COL17A1: variants seen among roughly 807,000 people sequenced by gnomAD.
COL17A1 encodes the protein collagen alpha-1(XVII) chain.
In COL17A1, 181 loss-of-function variants were observed where a neutral mutation model predicts 218.4. That is an observed-to-expected ratio of 0.83 (90% CI 0.73 to 0.94). COL17A1 has a LOEUF of 0.94. Ranked by LOEUF, COL17A1 falls within the 40% of genes least tolerant of loss-of-function variation. The probability of loss-of-function intolerance (pLI) is 0.00; values close to 1 mark genes in which losing one functional copy is unlikely to be tolerated. For missense variants in COL17A1, 1,924 were observed against 1,945.9 expected (o/e 0.99, Z 0.21); for synonymous variants, 721 against 731.0 (o/e 0.99, Z 0.22).
Position 104,037,732 on chromosome 10 carries a change from GGGGA to G in COL17A1, c.3108_3111del (p.Pro1037GlnfsTer28). ...GGTCCTGGGGGACCAGGTGGGCCTG[GGGGA>G]CCCTGAACTCCGGATAGGTAAGATC... is the stretch of plus-strand genomic sequence containing the variant. On this transcript the variant is annotated frameshift_variant, in exon 46 of 56. Transcript: ENST00000648076. LOFTEE classifies it high-confidence loss of function. 2 of 1,614,158 alleles carry G rather than the reference GGGGA, an allele frequency of 1.2e-6. No individual in the cohort carries two copies. The highest frequency in any genetic ancestry group is 1.7e-6 in the Non-Finnish European group (2 of 1,180,030).
At chr10:104,076,722 G>A (rs2086714354) in intron 4 of COL17A1, among the ~76,000 whole-genome samples, 1 of 152,220 alleles carries the variant, frequency 6.6e-6, no homozygotes, top group Non-Finnish European at 1.5e-5. Context: ...GCGTGGAAGT[G>A]TGCCTCAACA....
intron 32 of COL17A1, among the ~76,000 whole-genome samples, 173 bp downstream of exon 32, chr10:104,046,574 T>C (rs192602817): frequency 7.4e-4 from 113 of 152,338 alleles, no homozygotes; most frequent in Admixed American, 1.3e-3. Flanking sequence ...TAGATTGTTC[T>C]GTGCCTATTT....
Position 104,050,633 on chromosome 10 carries a change from G to C in COL17A1, c.2116C>G (p.Pro706Ala), listed in dbSNP as rs573639672. 1 of 1,613,438 alleles carries C rather than the reference G, an allele frequency of 6.2e-7. No homozygotes were observed. Among genetic ancestry groups the C allele is most frequent in the South Asian group, 1.1e-5 (1 of 91,034 alleles). ...VKGDKGPMGP[P>A]GPKGDQGEKG... Reference sequence around the variant, plus strand: ...GTGAGTGGCATACCTTTGGGTCCTGGTGGTCCCATTGGTCCTTTGTCACCT... The same window carrying C: ...GTGAGTGGCATACCTTTGGGTCCTGCTGGTCCCATTGGTCCTTTGTCACCT... Residue 706 changes from proline to alanine, a missense_variant, in exon 27 of 56, where the codon CCA becomes GCA. Pro to Ala is a conservative substitution (Grantham distance 27). Transcript: ENST00000648076.
chr10:104,063,642 A>C (rs2086601829), intron 11 of COL17A1, 105 bp downstream of exon 11: 1 of 1,523,336 alleles, frequency 6.6e-7, no homozygotes, highest in Admixed American at 1.9e-5. Flanking sequence ...TCTGCTTCTG[A>C]GCTGCAGTAT....
In COL17A1 at chr10:104,052,368, T is replaced by C. The variant is rs568921133; in HGVS notation, c.1940-151A>G. The C allele has an allele frequency of 6.6e-5, 60 of 913,408 alleles. No individual in the cohort carries two copies. The African/African-American group carries it at 7.5e-4, about 11-fold the overall frequency. 56.6% of individuals were successfully genotyped at this position (913,408 alleles called of 1,614,324 possible). A position where few individuals can be genotyped will look rare whatever the true frequency, so the allele number is the denominator to read the frequency against. The stretch of plus-strand genomic sequence containing the variant: ...CAGTGAGGCCACTTATCAGCAAAAC[T>C]CCTTAGCTTCTACCCCCAGAGACTT... On this transcript the variant is annotated intron_variant, in intron 23 of 55. Transcript: ENST00000648076.
intron 34 of COL17A1, 97 bp downstream of exon 34, chr10:104,043,721 CCAAAAAA>C (rs2086383549): frequency 7.8e-6 from 12 of 1,536,102 alleles, no homozygotes; most frequent in Admixed American, 6.7e-5. Context: ...CGCTACTGAT[CCAAAAAA>C]CTCCCAGCCA....
chr10:104,084,312 ATTTT>A (rs199699283), intron 1 of COL17A1, among the ~76,000 whole-genome samples: 1 of 140,062 alleles, frequency 7.1e-6, no homozygotes. Context: ...TTTTTTTCCT[ATTTT>A]TTTTTTTTTT....
chr10:104,044,411 G>T (rs1265932873), intron 33 of COL17A1, among the ~76,000 whole-genome samples: 1 of 152,228 alleles, frequency 6.6e-6, no homozygotes, highest in Admixed American at 6.5e-5. Context: ...ACAAGTGTGC[G>T]TGGAGAACTT....
intron 53 of COL17A1, 55 bp downstream of exon 53, chr10:104,033,183 C>A: frequency 1.3e-6 from 2 of 1,561,064 alleles, no homozygotes; most frequent in Non-Finnish European, 1.7e-6. Context: ...TGGAGCAGAC[C>A]CGTGGGAACC....
rs898790319 is a variant in COL17A1 at position 104,044,860 on chromosome 10, C to T, written c.2398+898G>A. Among the ~76,000 whole-genome samples, 10 of 152,140 alleles carry T rather than the reference C, an allele frequency of 6.6e-5. No individual in the cohort carries two copies. In the East Asian group the frequency reaches 9.6e-4, roughly 15 times the overall value. On this transcript the variant is annotated intron_variant, in intron 33 of 55. Transcript: ENST00000648076. ...TACCATCCATTCGTGAACATATCCA[C>T]GGACCTAGTGTGGTCTGCCTGGGAC... is the stretch of plus-strand genomic sequence containing the variant.
intron 5 of COL17A1, among the ~76,000 whole-genome samples, chr10:104,075,344 G>A (rs147939579): frequency 1.9e-4 from 29 of 152,126 alleles, no homozygotes; most frequent in African/African-American, 6.7e-4. Context: ...TCATCAAGTG[G>A]AGTCATCCAT....
At chr10:104,055,073 T>C (rs1374714848) in intron 19 of COL17A1, 66 bp from the exon 20 acceptor site, 2 of 1,607,804 alleles carry the variant, frequency 1.2e-6, no homozygotes, top group African/African-American at 1.3e-5. Flanking sequence ...CTCTGCCTTG[T>C]ATTTTAAAAC....
chr10:104,067,741 G>GT (rs1337720081), intron 9 of COL17A1, among the ~76,000 whole-genome samples: 1 of 152,160 alleles, frequency 6.6e-6, no homozygotes, highest in African/African-American at 2.4e-5. Context: ...GAGAGCTAAT[G>GT]TAAGTAAGCT....
In COL17A1 at chr10:104,078,529, G is replaced by A; in HGVS notation, c.97+13C>T. On this transcript the variant is annotated intron_variant, in intron 3 of 55. Coordinates refer to ENST00000648076, the MANE Select transcript of COL17A1 (RefSeq NM_000494.4). The stretch of plus-strand genomic sequence containing the variant: ...GACCTACTGAAAAGAAAGCTATTGA[G>A]GTAGTTACTTACTTGGTGGTAAGGA... 1.2e-6 allele frequency: 2 copies of A among 1,614,152 alleles called. No homozygotes were observed. The highest frequency in any genetic ancestry group is 1.7e-6 in the Non-Finnish European group (2 of 1,180,018).
intron 2 of COL17A1, among the ~76,000 whole-genome samples, chr10:104,079,859 G>C (rs1304060603): frequency 1.3e-5 from 2 of 151,748 alleles, no homozygotes; most frequent in East Asian, 3.9e-4. Flanking sequence ...CCTGGGAGGT[G>C]GAGGTTGCAG....
At position 104,064,485 on chromosome 10, in the gene COL17A1, G is replaced by T; in HGVS notation, c.719C>A (p.Thr240Asn). ...GGTGTTGAGGAGGGATGAGCTCTGGGTTGTCATGTTGTTGTGATAGGTCCC... is the reference window on the plus strand; with the variant it reads ...GGTGTTGAGGAGGGATGAGCTCTGGTTTGTCATGTTGTTGTGATAGGTCCC... ...SMGTYHNNMT[T>N]QSSSLLNTNA... The change falls in exon 10 of 56, where the codon ACC becomes AAC. Residue 240 changes from threonine (T) to asparagine (N), a missense_variant. Transcript: ENST00000648076. 1 of 1,614,208 alleles carries T rather than the reference G, an allele frequency of 6.2e-7. No individual in the cohort carries two copies. The highest frequency in any genetic ancestry group is 1.1e-5 in the South Asian group (1 of 91,082).
Position 104,055,939 on chromosome 10 carries a change from C to T in COL17A1, c.1530G>A (p.Leu510=), listed in dbSNP as rs761310351. Residue 510 remains leucine (L), a synonymous_variant, in exon 18 of 56, where the codon CTG becomes CTA. Coordinates refer to ENST00000648076, the MANE Select transcript of COL17A1 (RefSeq NM_000494.4). ...DELERIRRSI[L]PYGDSMDRIE... is the part of the protein sequence containing the mutation. ...TTCTATCCATGCTGTCCCCATAGGG[C>T]AGTATGCTCCTCCTGATCCTCTCCA... 6.2e-7 allele frequency: 1 copy of T among 1,614,194 alleles called. No homozygotes were observed. The highest frequency in any genetic ancestry group is 2.2e-5 in the East Asian group (1 of 44,868).
At chr10:104,051,563 TG>T (rs762295856) in intron 24 of COL17A1, 47 bp from the exon 25 acceptor site, 1 of 1,611,816 alleles carries the variant, frequency 6.2e-7, no homozygotes, top group South Asian at 1.1e-5. Context: ...CAGATACAGG[TG>T]GGGACATCTG....
chr10:104,067,597 G>A (rs1044915795), intron 9 of COL17A1, among the ~76,000 whole-genome samples: 2 of 152,148 alleles, frequency 1.3e-5, no homozygotes, highest in Non-Finnish European at 2.9e-5. Context: ...CATGGCTCAC[G>A]CTGGTGCTCA....
Sources: allele counts gnomAD v4.1 joint callset (sites outside exome capture counted in the v4.1 genomes callset), GRCh38; gene constraint gnomAD v4.1.1; transcripts MANE v1.5; gene names NCBI Gene and HGNC (gene_info 2026-07-23, HGNC 2026-07-21).